The following NBAS variants were observed in gnomAD, a reference collection of about 807,000 sequenced individuals.
The protein encoded by NBAS is NAG/BC035112 fusion.
NBAS carries 219 observed loss-of-function variants against 302.5 expected under a neutral mutation model. The observed-to-expected ratio is 0.72, with a 90% confidence interval of 0.65 to 0.81. NBAS has a LOEUF of 0.81. Among genes scored for constraint, NBAS ranks in the 30% least tolerant of loss-of-function variants. The pLI is 0.00. For missense variants in NBAS, 2,932 were observed against 2,841.6 expected (o/e 1.03, Z -0.72); for synonymous variants, 1,118 against 1,021.6 (o/e 1.09, Z -1.80).
chr2:15,288,139 G>T lies in NBAS; in HGVS notation c.5028-956C>A, dbSNP rs752131663. Among the ~76,000 whole-genome samples the T allele has an allele frequency of 5.3e-4, 80 of 152,370 alleles. 1 individual carries two copies. The highest frequency in any genetic ancestry group is 8.8e-4 in the Non-Finnish European group (60 of 68,046). ...ACAATCAAAAGATAGTGCATCCCTG[G>T]TCTAGGGGTAGAGATTTGAGAAAGC... is the stretch of plus-strand genomic sequence containing the variant. On this transcript the variant is annotated intron_variant, in intron 41 of 51. Transcript: ENST00000281513.
At chr2:15,405,439 C>CT (rs939359474) in intron 25 of NBAS, among the ~76,000 whole-genome samples, 21 of 152,022 alleles carry the variant, frequency 1.4e-4, no homozygotes, top group East Asian at 3.8e-4. Context: ...CTAAGACACA[C>CT]TTTTTTTTCA....
At chr2:15,006,144 G>A in the NBAS span, among the ~76,000 whole-genome samples, 1 of 152,170 alleles carries the variant, frequency 6.6e-6, no homozygotes, top group African/African-American at 2.4e-5. Flanking sequence ...TAAATTAGCA[G>A]AGTTCAAAAG....
intron 13 of NBAS, among the ~76,000 whole-genome samples, chr2:15,476,189 T>C (rs1035122599): frequency 3.3e-5 from 5 of 152,254 alleles, no homozygotes; most frequent in Middle Eastern, 6.8e-3. Context: ...GAGAGATGTG[T>C]CACTACTTTC....
At chr2:15,399,086 T>C (rs576916049) in intron 26 of NBAS, among the ~76,000 whole-genome samples, 2 of 152,334 alleles carry the variant, frequency 1.3e-5, no homozygotes, top group South Asian at 2.1e-4. Flanking sequence ...CTCCTCGAAG[T>C]AGACAAATTA....
chr2:15,390,572 C>T lies in NBAS; in HGVS notation c.3257+3655G>A, dbSNP rs147389699. 4.8e-3 allele frequency among the ~76,000 whole-genome samples: 719 copies of T among 151,290 alleles called. 9 individuals carry two copies. The highest frequency in any genetic ancestry group is 0.016 in the African/African-American group (668 of 41,146). On this transcript the variant is annotated intron_variant, in intron 28 of 51. Coordinates refer to ENST00000281513, the MANE Select transcript of NBAS (RefSeq NM_015909.4). ...TAAAATTGTCCTGTATATGGGATCACGCTAAAAGAGTAGATTTTAGCTGCT... is the reference window on the plus strand; with the variant it reads ...TAAAATTGTCCTGTATATGGGATCATGCTAAAAGAGTAGATTTTAGCTGCT...
chr2:15,239,426 G>A lies in NBAS; in HGVS notation c.5725-740C>T, dbSNP rs924623329. ...GTATATATATATATATATATGTTGA[G>A]TATTGCTTATCTGAAATGTTTGGAA... On this transcript the variant is annotated intron_variant, in intron 44 of 51. Coordinates refer to ENST00000281513, the MANE Select transcript of NBAS (RefSeq NM_015909.4). 2.8e-5 allele frequency among the ~76,000 whole-genome samples: 4 copies of A among 141,636 alleles called. No homozygotes were observed. The Admixed American group carries it at 2.8e-4, about 10-fold the overall frequency. 92.9% of individuals were successfully genotyped at this position (141,636 alleles called of 152,430 possible). A position where few individuals can be genotyped will look rare whatever the true frequency, so the allele number is the denominator to read the frequency against.
At chr2:15,298,139 G>A (rs528492567) in intron 40 of NBAS, among the ~76,000 whole-genome samples, 13 of 152,238 alleles carry the variant, frequency 8.5e-5, no homozygotes, top group African/African-American at 2.4e-4. Context: ...GAGCCCAGGG[G>A]TTTGGGACCA....
intron 16 of NBAS, among the ~76,000 whole-genome samples, chr2:15,470,531 A>C (rs774456202): frequency 6.6e-6 from 1 of 152,192 alleles, no homozygotes; most frequent in African/African-American, 2.4e-5. Flanking sequence ...AATAAAACAG[A>C]TTTAGTCACT....
At chr2:15,255,989 T>C (rs1668573428) in intron 44 of NBAS, among the ~76,000 whole-genome samples, 1 of 152,216 alleles carries the variant, frequency 6.6e-6, no homozygotes, top group Non-Finnish European at 1.5e-5. Flanking sequence ...TTAGGTAATA[T>C]GATGCCTCCA....
chr2:15,539,175 T>TA, intron 7 of NBAS, 48 bp downstream of exon 7: 1 of 1,610,750 alleles, frequency 6.2e-7, no homozygotes, highest in Admixed American at 1.7e-5. Flanking sequence ...TACCTATACA[T>TA]ACATGACATT....
At chr2:15,176,746 G>A (rs1407499329) in intron 51 of NBAS, among the ~76,000 whole-genome samples, 1 of 152,150 alleles carries the variant, frequency 6.6e-6, no homozygotes, top group African/African-American at 2.4e-5. Flanking sequence ...CAAAAGTGTT[G>A]AATTTGAGGC....
chr2:14,962,053 C>T, the NBAS span, among the ~76,000 whole-genome samples: 2 of 152,282 alleles, frequency 1.3e-5, no homozygotes, highest in South Asian at 2.1e-4. Flanking sequence ...GGATTACAGG[C>T]GTGAGCCACT....
At chr2:15,217,635 G>A (rs182531656) in intron 48 of NBAS, among the ~76,000 whole-genome samples, 86 of 152,340 alleles carry the variant, frequency 5.6e-4, no homozygotes, top group Admixed American at 1.1e-3. Flanking sequence ...CTAACCCTGC[G>A]TGCTAAAGCA....
chr2:14,897,268 G>A, the NBAS span, among the ~76,000 whole-genome samples: 11 of 152,226 alleles, frequency 7.2e-5, no homozygotes, highest in Non-Finnish European at 1.3e-4. Context: ...AACTAAAAAT[G>A]TATTCCTTTT....
chr2:14,785,852 G>T, the NBAS span, among the ~76,000 whole-genome samples: 1 of 152,162 alleles, frequency 6.6e-6, no homozygotes, highest in Admixed American at 6.6e-5. Context: ...AGTTAGGGAG[G>T]ATTCCCTCTT....
intron 41 of NBAS, among the ~76,000 whole-genome samples, chr2:15,289,719 T>C (rs368305195): frequency 2.1e-4 from 32 of 152,018 alleles, no homozygotes; most frequent in African/African-American, 6.7e-4. Flanking sequence ...GACATGCAGC[T>C]GGGCGCGGTG....
chr2:15,451,995 G>A (rs372080913), intron 21 of NBAS, among the ~76,000 whole-genome samples: 4 of 147,984 alleles, frequency 2.7e-5, no homozygotes, highest in African/African-American at 1.0e-4. Flanking sequence ...AGAACATTAC[G>A]CTAAAAAAAA....
intron 48 of NBAS, among the ~76,000 whole-genome samples, chr2:15,217,579 G>A (rs1482030586): frequency 6.6e-6 from 1 of 152,212 alleles, no homozygotes; most frequent in Admixed American, 6.5e-5. Context: ...TTGCAATGGG[G>A]ATTATCTGGG....
chr2:15,506,204 A>C (rs1379950516), intron 10 of NBAS, among the ~76,000 whole-genome samples: 6 of 152,098 alleles, frequency 3.9e-5, no homozygotes, highest in African/African-American at 1.4e-4. Flanking sequence ...ACCAAAGTAC[A>C]GAATATTTAA....
Sources: gnomAD v4.1 joint callset for allele counts (sites outside exome capture counted in the v4.1 genomes callset) on GRCh38, gnomAD v4.1.1 for gene constraint, MANE v1.5 for transcripts, NCBI Gene and HGNC (gene_info 2026-07-23, HGNC 2026-07-21) for gene names.